Variants in SIPA1L3 observed in about 807,000 individuals in gnomAD.
The protein encoded by SIPA1L3 is signal induced proliferation associated 1 like 3.
SIPA1L3 carries 59 observed loss-of-function variants against 150.1 expected under a neutral mutation model. That is an observed-to-expected ratio of 0.39 (90% CI 0.32 to 0.49). The LOEUF is 0.49. SIPA1L3 is among the 20% of genes least tolerant of loss of function. SIPA1L3 has a pLI of 0.86. For missense variants in SIPA1L3, 2,211 were observed against 2,489.5 expected (o/e 0.89, Z 2.38); for synonymous variants, 1,070 against 1,077.6 (o/e 0.99, Z 0.14).
chr19:38,074,014 C>T (rs189156643), intron 2 of SIPA1L3, among the ~76,000 whole-genome samples: 21 of 152,320 alleles, frequency 1.4e-4, no homozygotes, highest in South Asian at 2.1e-4. Context: ...CCATGACACA[C>T]GAGGATTGAG....
At chr19:38,179,747 A>C (rs1263181934) in intron 15 of SIPA1L3, among the ~76,000 whole-genome samples, 1 of 152,190 alleles carries the variant, frequency 6.6e-6, no homozygotes, top group Non-Finnish European at 1.5e-5. Context: ...ACTTTTATAG[A>C]ATCTTATTTT....
chr19:38,192,357 G>GA, intron 17 of SIPA1L3, 47 bp downstream of exon 17: 1 of 1,520,418 alleles, frequency 6.6e-7, no homozygotes, highest in Non-Finnish European at 8.8e-7. Context: ...CTCCCAAGGG[G>GA]ATCCCAGATC....
intron 18 of SIPA1L3, among the ~76,000 whole-genome samples, chr19:38,194,783 G>C (rs1329790523): frequency 6.6e-6 from 1 of 152,198 alleles, no homozygotes; most frequent in African/African-American, 2.4e-5. Context: ...GGGCGCGGTG[G>C]CTCACGCCTG....
intron 8 of SIPA1L3, 80 bp from the exon 9 acceptor site, chr19:38,119,225 CT>C: frequency 7.4e-7 from 1 of 1,342,406 alleles, no homozygotes; most frequent in Non-Finnish European, 1.0e-6. Context: ...AACCCTATTC[CT>C]ATTTTTTGAT....
chr19:38,065,911 T>TTATCTATC (rs1301920296), intron 2 of SIPA1L3, among the ~76,000 whole-genome samples: 1 of 106,760 alleles, frequency 9.4e-6, no homozygotes, highest in Non-Finnish European at 1.8e-5. Flanking sequence ...TCTTATTTAT[T>TTATCTATC]TATCTATTTA....
chr19:38,060,901 A>G (rs558404415), intron 2 of SIPA1L3, among the ~76,000 whole-genome samples: 2 of 152,312 alleles, frequency 1.3e-5, no homozygotes, highest in East Asian at 3.9e-4. Flanking sequence ...CATGTTGGCC[A>G]GGCTGGTCTG....
chr19:38,026,520 A>C (rs753522715), intron 1 of SIPA1L3, among the ~76,000 whole-genome samples: 1 of 152,154 alleles, frequency 6.6e-6, no homozygotes, highest in Non-Finnish European at 1.5e-5. Context: ...AGTGGGAAAG[A>C]TGAGGTTCAA....
intron 18 of SIPA1L3, among the ~76,000 whole-genome samples, chr19:38,196,494 CGGAGCAAGGAGGTCAAGGGA>C (rs1972947427): frequency 1.1e-5 from 1 of 94,524 alleles, no homozygotes; most frequent in African/African-American, 3.9e-5. Flanking sequence ...GATGTCAAGG[CGGAGCAAGGAGGTCAAGGGA>C]GGAGCATGGA....
At chr19:37,967,668 A>G (rs535429154) in intron 1 of SIPA1L3, among the ~76,000 whole-genome samples, 2 of 152,310 alleles carry the variant, frequency 1.3e-5, no homozygotes, top group East Asian at 3.9e-4. Flanking sequence ...ATTCTGAAAC[A>G]CCAAAGGTTA....
intron 1 of SIPA1L3, among the ~76,000 whole-genome samples, chr19:38,000,919 A>G (rs1755033877): frequency 8.7e-6 from 1 of 114,558 alleles, no homozygotes; most frequent in Non-Finnish European, 1.8e-5. Flanking sequence ...TAACATATAT[A>G]TAACATATAT....
In SIPA1L3 at chr19:38,130,535, T is replaced by G; in HGVS notation, c.2906T>G (p.Leu969Arg). Residue 969 changes from leucine (L) to arginine (R), a missense_variant, in exon 10 of 22, where the codon CTT becomes CGT. By Grantham distance (102) the Leu-to-Arg change is moderately radical. Transcript: ENST00000222345. ...TSGWETVDMT[L>R]RRNGLGQLGF... ...GGCTGGGAGACGGTGGACATGACGC[T>G]TCGGCGGAACGGGCTCGGGCAGCTG... is the stretch of plus-strand genomic sequence containing the variant. 1 of 1,613,386 alleles carries G rather than the reference T, an allele frequency of 6.2e-7. No individual in the cohort carries two copies. Among genetic ancestry groups the G allele is most frequent in the Non-Finnish European group, 8.5e-7 (1 of 1,179,948 alleles).
At chr19:38,059,856 A>C (rs941394071) in intron 2 of SIPA1L3, among the ~76,000 whole-genome samples, 2 of 151,866 alleles carry the variant, frequency 1.3e-5, no homozygotes, top group Non-Finnish European at 2.9e-5. Context: ...CGGTCACTGC[A>C]GCCTCCGCCT....
At chr19:38,145,403 C>T (rs184521980) in intron 12 of SIPA1L3, among the ~76,000 whole-genome samples, 4 of 151,872 alleles carry the variant, frequency 2.6e-5, no homozygotes, top group East Asian at 3.9e-4. Context: ...TGTGGTGGCA[C>T]GCGCCTGTAA....
chr19:37,950,002 G>T (rs951312178), intron 1 of SIPA1L3, among the ~76,000 whole-genome samples: 1 of 151,264 alleles, frequency 6.6e-6, no homozygotes, highest in Non-Finnish European at 1.5e-5. Flanking sequence ...GCTTGAACCC[G>T]GGAGGCAGAG....
Position 38,082,004 on chromosome 19 carries a change from A to G in SIPA1L3, c.439A>G (p.Lys147Glu). Residue 147 changes from lysine (K) to glutamate (E), a missense_variant, in exon 3 of 22, where the codon AAA becomes GAA. Lys to Glu is a moderately conservative substitution (Grantham distance 56). Around this residue, in one of 5 missense-constraint regions of SIPA1L3, gnomAD observed 587 missense variants for 534.5 expected, o/e 1.10. Transcript: ENST00000222345. The part of the protein sequence containing the change: ...AFHRLSRRRS[K>E]DVEFQDGWPR... Reference sequence around the variant, plus strand: ...CCACCGACTCTCCAGGAGAAGGTCCAAAGACGTGGAGTTCCAGGACGGGTG... The same window carrying G: ...CCACCGACTCTCCAGGAGAAGGTCCGAAGACGTGGAGTTCCAGGACGGGTG... 6.2e-7 allele frequency: 1 copy of G among 1,614,192 alleles called. No individual in the cohort carries two copies. Among genetic ancestry groups the G allele is most frequent in the South Asian group, 1.1e-5 (1 of 91,090 alleles).
intron 1 of SIPA1L3, among the ~76,000 whole-genome samples, chr19:37,941,707 G>GACC (rs1568472096): frequency 3.3e-5 from 5 of 152,092 alleles, no homozygotes; most frequent in African/African-American, 1.2e-4. Context: ...TTCCCCTGTC[G>GACC]TGCATTGTCA....
At chr19:37,990,610 C>G (rs937806893) in intron 1 of SIPA1L3, among the ~76,000 whole-genome samples, 2 of 152,198 alleles carry the variant, frequency 1.3e-5, no homozygotes, top group Non-Finnish European at 2.9e-5. Flanking sequence ...GCGAGAACCC[C>G]GCCCCAGTCT....
At chr19:37,968,950 G>T (rs2046929092) in intron 1 of SIPA1L3, among the ~76,000 whole-genome samples, 1 of 152,242 alleles carries the variant, frequency 6.6e-6, no homozygotes, top group Admixed American at 6.5e-5. Context: ...GACACATCAT[G>T]TCCTGAAAGT....
At chr19:38,065,107 A>G (rs1969542230) in intron 2 of SIPA1L3, among the ~76,000 whole-genome samples, 1 of 152,258 alleles carries the variant, frequency 6.6e-6, no homozygotes, top group Admixed American at 6.5e-5. Context: ...ACCAGGTAGC[A>G]AAATTAAAAT....
Sources: gnomAD v4.1 joint callset for allele counts (sites outside exome capture counted in the v4.1 genomes callset) on GRCh38, gnomAD v4.1.1 for gene constraint, gnomAD v4.1.1 regional missense constraint, MANE v1.5 for transcripts, NCBI Gene and HGNC (gene_info 2026-07-23, HGNC 2026-07-21) for gene names.